The following ROBO2 variants were observed in gnomAD, a reference collection of about 807,000 sequenced individuals.
The protein encoded by ROBO2 is roundabout homolog 2.
Under a neutral mutation model 160.8 loss-of-function variants are expected in ROBO2, and 53 were observed. The observed-to-expected ratio is 0.33, with a 90% CI of 0.26 to 0.41. The LOEUF (loss-of-function observed/expected upper bound fraction) is 0.41, where lower values mean the gene tolerates loss of function less well. ROBO2 is among the 10% of genes least tolerant of loss of function. The pLI is 1.00. For missense variants in ROBO2, 1,577 were observed against 1,722.4 expected (o/e 0.92, Z 1.49); for synonymous variants, 664 against 611.7 (o/e 1.09, Z -1.26).
Position 76,567,743 on chromosome 3 carries a change from T to TTATATA in ROBO2, c.110-530261_110-530256dup, listed in dbSNP as rs574478628. On this transcript the variant is annotated intron_variant, in intron 2 of 26. Coordinates refer to the ROBO2 transcript ENST00000487694. ...TATATGTCAGTATATATATACTGTTTTATATATATATATATCTGTCTGTGT... is the reference window on the plus strand; with the variant it reads ...TATATGTCAGTATATATATACTGTTTTATATATATATATATATATATCTGTCTGTGT... 2.8e-3 allele frequency among the ~76,000 whole-genome samples: 298 copies of TTATATA among 106,050 alleles called. 1 individual carries two copies. Among genetic ancestry groups the TTATATA allele is most frequent in the South Asian group, 0.015 (50 of 3,272 alleles). 69.6% of individuals were successfully genotyped at this position (106,050 alleles called of 152,430 possible).
At chr3:76,739,684 G>T (rs1320520810) in intron 2 of ROBO2, among the ~76,000 whole-genome samples, 2 of 152,118 alleles carry the variant, frequency 1.3e-5, no homozygotes, top group African/African-American at 2.4e-5. Context: ...GGTAGCAAGG[G>T]CATCACCTGG....
intron 21 of ROBO2, among the ~76,000 whole-genome samples, chr3:77,615,141 CCT>C (rs1464447643): frequency 6.6e-6 from 1 of 152,016 alleles, no homozygotes; most frequent in Non-Finnish European, 1.5e-5. Context: ...GATTCAGGAC[CCT>C]GACACATAAC....
At chr3:77,190,871 A>G (rs1003059678) in intron 2 of ROBO2, among the ~76,000 whole-genome samples, 3 of 152,040 alleles carry the variant, frequency 2.0e-5, no homozygotes, top group African/African-American at 4.8e-5. Flanking sequence ...ATGATGTACA[A>G]GAATGGTTAG....
chr3:76,185,960 G>A (rs888015680), intron 2 of ROBO2, among the ~76,000 whole-genome samples: 2 of 142,786 alleles, frequency 1.4e-5, no homozygotes, highest in African/African-American at 5.1e-5. Context: ...TTGAGACAGG[G>A]TCTCACTCTG....
At chr3:77,378,813 C>T (rs2073035153) in intron 2 of ROBO2, among the ~76,000 whole-genome samples, 1 of 152,066 alleles carries the variant, frequency 6.6e-6, no homozygotes, top group Non-Finnish European at 1.5e-5. Flanking sequence ...TGCATAGATG[C>T]CCGAAAAAAT....
chr3:76,952,111 A>G lies in ROBO2; in HGVS notation c.110-145903A>G, dbSNP rs115128611. 1.7e-3 allele frequency among the ~76,000 whole-genome samples: 256 copies of G among 152,048 alleles called. 1 individual carries two copies. Among genetic ancestry groups the G allele is most frequent in the African/African-American group, 5.2e-3 (217 of 41,476 alleles). On this transcript the variant is annotated intron_variant, in intron 2 of 26. Coordinates refer to the ROBO2 transcript ENST00000487694. ...ATGTGAGACTGATGACTTTCAGCAG[A>G]CCTCCCATCCCATAGTAGATATATT...
At chr3:76,069,120 G>C (rs1285559100) in intron 2 of ROBO2, among the ~76,000 whole-genome samples, 1 of 152,008 alleles carries the variant, frequency 6.6e-6, no homozygotes, top group Non-Finnish European at 1.5e-5. Flanking sequence ...TTAATCCCCA[G>C]CCTTCATTGT....
At chr3:76,990,004 T>G in intron 2 of ROBO2, among the ~76,000 whole-genome samples, 1 of 152,176 alleles carries the variant, frequency 6.6e-6, no homozygotes, top group East Asian at 1.9e-4. Context: ...CCTTGAGATC[T>G]AATAGATCTC....
intron 2 of ROBO2, among the ~76,000 whole-genome samples, chr3:76,298,873 C>G (rs1056967094): frequency 1.1e-4 from 17 of 152,012 alleles, no homozygotes; most frequent in Non-Finnish European, 2.5e-4. Flanking sequence ...GTTAATGTGT[C>G]CAAGGTAAAT....
intron 2 of ROBO2, among the ~76,000 whole-genome samples, chr3:76,791,816 T>TCA (rs140752578): frequency 0.014 from 2,179 of 151,240 alleles, 51 homozygotes; most frequent in African/African-American, 0.049. Flanking sequence ...GGTTGAATAG[T>TCA]CACACACACA....
intron 2 of ROBO2, among the ~76,000 whole-genome samples, chr3:76,500,271 A>G (rs1467467946): frequency 6.6e-6 from 1 of 152,092 alleles, no homozygotes; most frequent in African/African-American, 2.4e-5. Context: ...GGCGAAGGCC[A>G]CCATACCTGG....
At chr3:76,235,459 C>T (rs551741021) in intron 2 of ROBO2, among the ~76,000 whole-genome samples, 37 of 152,270 alleles carry the variant, frequency 2.4e-4, no homozygotes, top group East Asian at 1.9e-3. Context: ...GACCTGTCTA[C>T]GACTGCGGAG....
intron 3 of ROBO2, 34 bp downstream of exon 3, chr3:77,477,605 T>G: frequency 3.3e-6 from 5 of 1,534,704 alleles, no homozygotes; most frequent in Non-Finnish European, 4.5e-6. Flanking sequence ...CCAGAGAGAT[T>G]GAATTTTCAG....
chr3:77,559,337 A>G, intron 9 of ROBO2, among the ~76,000 whole-genome samples: 1 of 152,142 alleles, frequency 6.6e-6, no homozygotes, highest in Non-Finnish European at 1.5e-5. Context: ...GTCCTCTATC[A>G]GTACATTCAA....
chr3:77,590,089 G>C (rs2094145035), intron 17 of ROBO2, among the ~76,000 whole-genome samples: 2 of 152,068 alleles, frequency 1.3e-5, no homozygotes, highest in South Asian at 4.1e-4. Context: ...TGCCTTGTTT[G>C]TTATTTGATG....
chr3:76,014,487 G>A (rs888699804), intron 2 of ROBO2, among the ~76,000 whole-genome samples: 2 of 79,106 alleles, frequency 2.5e-5, no homozygotes, highest in African/African-American at 9.4e-5. Flanking sequence ...GGTGGCTTAT[G>A]CGTGTAATCC....
At chr3:77,102,596 G>A (rs1428491183) in intron 2 of ROBO2, among the ~76,000 whole-genome samples, 3 of 151,930 alleles carry the variant, frequency 2.0e-5, no homozygotes, top group African/African-American at 7.3e-5. Context: ...CACATTAGTT[G>A]TCATTTTTAA....
intron 2 of ROBO2, among the ~76,000 whole-genome samples, chr3:76,093,701 TAAAG>T (rs149176951): frequency 0.024 from 3,663 of 151,754 alleles, 71 homozygotes; most frequent in East Asian, 0.081. Flanking sequence ...TTATTTCAGT[TAAAG>T]AGGGATGAAC....
intron 2 of ROBO2, among the ~76,000 whole-genome samples, chr3:76,512,414 T>C (rs1329223996): frequency 2.0e-5 from 3 of 151,852 alleles, no homozygotes; most frequent in Non-Finnish European, 4.4e-5. Flanking sequence ...GCTGTTGCTG[T>C]TGTTTAACAG....
Sources: allele counts gnomAD v4.1 joint callset (sites outside exome capture counted in the v4.1 genomes callset), GRCh38; gene constraint gnomAD v4.1.1; transcripts MANE v1.5; gene names NCBI Gene and HGNC (gene_info 2026-07-23, HGNC 2026-07-21).